The following TG variants were observed in gnomAD, a reference collection of about 807,000 sequenced individuals.
TG encodes thyroid hormones.
TG carries 270 observed loss-of-function variants against 324.7 expected under a neutral mutation model. The ratio of observed to expected loss-of-function variants is 0.83; its 90% CI spans 0.75 to 0.92. TG has a LOEUF of 0.92. Ranked by LOEUF, TG falls within the 40% of genes least tolerant of loss-of-function variation. The probability of loss-of-function intolerance (pLI) is 0.00; values close to 1 mark genes in which losing one functional copy is unlikely to be tolerated. For synonymous variants in TG, 1,401 were observed against 1,327.0 expected (o/e 1.06, Z -1.21); for missense variants, 3,591 against 3,456.4 (o/e 1.04, Z -0.98).
intron 41 of TG, among the ~76,000 whole-genome samples, chr8:133,093,818 C>A (rs569363854): frequency 1.3e-5 from 2 of 152,212 alleles, no homozygotes; most frequent in Non-Finnish European, 2.9e-5. Flanking sequence ...GGTCAGATCC[C>A]AGCCCTGCCT....
intron 27 of TG, among the ~76,000 whole-genome samples, chr8:132,956,166 T>C (rs929514961): frequency 6.6e-6 from 1 of 152,248 alleles, no homozygotes; most frequent in East Asian, 1.9e-4. Flanking sequence ...GTCAGAAGTC[T>C]GTTTAGAAAA....
chr8:132,953,454 G>T (rs534036704), intron 27 of TG, among the ~76,000 whole-genome samples: 1 of 152,288 alleles, frequency 6.6e-6, no homozygotes, highest in African/African-American at 2.4e-5. Flanking sequence ...CCTCCTGTTT[G>T]CCCACCTTAG....
chr8:133,002,218 C>T, intron 35 of TG: 1 of 985,458 alleles, frequency 1.0e-6, no homozygotes. Flanking sequence ...CAGAAGCTCA[C>T]CTGTCATTAC....
At chr8:132,935,390 C>A (rs543349567) in intron 24 of TG, among the ~76,000 whole-genome samples, 1 of 151,910 alleles carries the variant, frequency 6.6e-6, no homozygotes, top group Non-Finnish European at 1.5e-5. Context: ...ATGATCCACC[C>A]GCCTCGGCCT....
chr8:132,888,344 C>A lies in TG; in HGVS notation c.2537C>A (p.Pro846Gln). Residue 846 changes from proline (P) to glutamine (Q), a missense_variant, in exon 10 of 48, where the codon CCA (proline) becomes CAA (glutamine). Physicochemically the swap from Pro to Gln is moderately conservative, Grantham distance 76 (BLOSUM62 -1). Transcript: ENST00000220616. ...CAATACCCTTCTCTGCAAGATGTCC[C>A]ACTAGCAGCACTGGAAGGGAAACGG... ...LSQYPSLQDVPLAALEGKRPQ... is the reference protein window; with the variant it reads ...LSQYPSLQDVQLAALEGKRPQ... The A allele has an allele frequency of 6.2e-7, 1 of 1,614,116 alleles. No homozygotes were observed. The highest frequency in any genetic ancestry group is 8.5e-7 in the Non-Finnish European group (1 of 1,180,028).
At position 132,900,342 on chromosome 8, in the gene TG, G is replaced by A; in HGVS notation, c.3433+3G>A. 6.2e-7 allele frequency: 1 copy of A among 1,609,918 alleles called. No homozygotes were observed. Among genetic ancestry groups the A allele is most frequent in the South Asian group, 1.1e-5 (1 of 89,974 alleles). ...TGGCTCGAGCAGCAGTGCCCAGTGTGAGTAGCAGCCCCTCCTGGCATGGCT... is the reference window on the plus strand; with the variant it reads ...TGGCTCGAGCAGCAGTGCCCAGTGTAAGTAGCAGCCCCTCCTGGCATGGCT... On this transcript the variant is annotated splice_donor_region_variant and intron_variant, in intron 15 of 47. Coordinates refer to ENST00000220616, the MANE Select transcript of TG (RefSeq NM_003235.5).
chr8:133,018,928 A>G (rs538966124), intron 38 of TG, among the ~76,000 whole-genome samples: 1 of 152,352 alleles, frequency 6.6e-6, no homozygotes, highest in African/African-American at 2.4e-5. Flanking sequence ...GTGGAAAGGC[A>G]TGGATTTCCA....
At chr8:132,996,540 AT>A (rs72249018) in intron 35 of TG, among the ~76,000 whole-genome samples, 47,575 of 151,636 alleles carry the variant, frequency 0.31, 7,700 homozygotes, top group Non-Finnish European at 0.35. Context: ...TCTATTGCCA[AT>A]TTTTTTTTGC....
In TG at chr8:132,888,466, A is replaced by G; in HGVS notation, c.2659A>G (p.Ser887Gly). The G allele has an allele frequency of 6.2e-7, 1 of 1,611,502 alleles. No homozygotes were observed. Among genetic ancestry groups the G allele is most frequent in the Non-Finnish European group, 8.5e-7 (1 of 1,178,534 alleles). Residue 887 changes from serine to glycine, a missense_variant, in exon 10 of 48, where the codon AGC (serine) becomes GGC (glycine). By Grantham distance (56) the Ser-to-Gly change is moderately conservative. Transcript: ENST00000220616. ...SQYPGSYSDF[S>G]TPLAHFDLRN... ...ATACCCGGGGTCCTACTCAGACTTC[A>G]GCACTCCTTTGGCACATTTTGATCT...
At chr8:132,901,735 C>T (rs1301132650) in intron 16 of TG, among the ~76,000 whole-genome samples, 182 bp downstream of exon 16, 1 of 152,134 alleles carries the variant, frequency 6.6e-6, no homozygotes, top group Non-Finnish European at 1.5e-5. Context: ...TGAAGACGCT[C>T]CTGCTGGGAA....
chr8:132,973,246 C>G (rs1472204684), intron 34 of TG, among the ~76,000 whole-genome samples: 1 of 152,184 alleles, frequency 6.6e-6, no homozygotes, highest in African/African-American at 2.4e-5. Flanking sequence ...GATATAGACT[C>G]TGGCACATTT....
chr8:132,949,471 G>T (rs999913364), intron 27 of TG, among the ~76,000 whole-genome samples: 18 of 152,114 alleles, frequency 1.2e-4, no homozygotes, highest in African/African-American at 3.6e-4. Context: ...CCTTTAGTTG[G>T]GGGGACTGCC....
chr8:133,050,029 A>G (rs1436678191), intron 41 of TG: 2 of 1,284,594 alleles, frequency 1.6e-6, no homozygotes, highest in Admixed American at 3.4e-5. Flanking sequence ...AGATAGGTAA[A>G]TAGCAAAACC....
chr8:132,998,345 A>G (rs1352854349), intron 35 of TG, among the ~76,000 whole-genome samples: 2 of 152,170 alleles, frequency 1.3e-5, no homozygotes, highest in Admixed American at 1.3e-4. Flanking sequence ...CAGTGGCTGC[A>G]AGGGGTGGAA....
chr8:132,938,325 C>T (rs962647679), intron 25 of TG, among the ~76,000 whole-genome samples: 2 of 152,170 alleles, frequency 1.3e-5, no homozygotes, highest in African/African-American at 4.8e-5. Flanking sequence ...ATGTCTGTGG[C>T]CTTCAACTTG....
chr8:133,024,117 C>G (rs1835799228), intron 40 of TG, among the ~76,000 whole-genome samples: 1 of 152,232 alleles, frequency 6.6e-6, no homozygotes. Flanking sequence ...CAGCGGAGCT[C>G]AGTGAGGCTG....
chr8:133,030,166 T>G (rs1836493641), intron 41 of TG, 143 bp downstream of exon 41: 2 of 1,054,016 alleles, frequency 1.9e-6, no homozygotes, highest in African/African-American at 3.1e-5. Context: ...GCTTGGAGTT[T>G]TCCATGTATG....
chr8:133,121,042 A>G (rs1249749955), intron 45 of TG, among the ~76,000 whole-genome samples: 1 of 152,120 alleles, frequency 6.6e-6, no homozygotes, highest in African/African-American at 2.4e-5. Context: ...GGAACCTCCC[A>G]TGAAACCAAG....
intron 2 of TG, among the ~76,000 whole-genome samples, chr8:132,869,003 C>G (rs896199473): frequency 3.9e-5 from 6 of 152,190 alleles, no homozygotes; most frequent in Non-Finnish European, 8.8e-5. Flanking sequence ...TAACCTCCCA[C>G]GAGTGTGCAG....
Sources: allele counts gnomAD v4.1 joint callset (sites outside exome capture counted in the v4.1 genomes callset), GRCh38; gene constraint gnomAD v4.1.1; transcripts MANE v1.5; gene names NCBI Gene and HGNC (gene_info 2026-07-23, HGNC 2026-07-21).